The following EYS variants were observed in gnomAD, a reference collection of about 807,000 sequenced individuals.
EYS encodes the protein protein eyes shut homolog.
EYS carries 250 observed loss-of-function variants against 282.1 expected under a neutral mutation model. The observed-to-expected ratio is 0.89, with a 90% CI of 0.80 to 0.98. The LOEUF (loss-of-function observed/expected upper bound fraction) is 0.98, where lower values mean the gene tolerates loss of function less well. Among genes scored for constraint, EYS ranks in the 50% least tolerant of loss-of-function variants. EYS has a pLI of 0.00. For missense variants in EYS, 4,016 were observed against 3,709.0 expected, an observed-to-expected ratio of 1.08 and a Z score of -2.15; for synonymous variants, 1,355 against 1,282.9, an observed-to-expected ratio of 1.06 and a Z score of -1.20.
intron 4 of EYS, among the ~76,000 whole-genome samples, chr6:65,493,283 G>T (rs1766116447): frequency 6.6e-6 from 1 of 152,122 alleles, no homozygotes; most frequent in Non-Finnish European, 1.5e-5. Context: ...AGGCACAGGG[G>T]AGAAGGAATC....
chr6:65,053,126 A>G (rs936676010), intron 13 of EYS, among the ~76,000 whole-genome samples: 1 of 151,770 alleles, frequency 6.6e-6, no homozygotes, highest in African/African-American at 2.4e-5. Flanking sequence ...GTTCCCATAA[A>G]TGGACTATAT....
intron 35 of EYS, among the ~76,000 whole-genome samples, chr6:63,871,545 C>T (rs6917397): frequency 0.48 from 73,429 of 151,798 alleles, 18,782 homozygotes; most frequent in African/African-American, 0.63. Flanking sequence ...GCCTGTAATT[C>T]CAGCTACTCA....
chr6:64,832,672 G>A (rs1277973792), intron 19 of EYS, among the ~76,000 whole-genome samples: 1 of 151,830 alleles, frequency 6.6e-6, no homozygotes. Context: ...TGATGAATAT[G>A]TTTGTTATCT....
At chr6:64,975,916 T>A (rs1312622197) in intron 14 of EYS, among the ~76,000 whole-genome samples, 8 of 151,970 alleles carry the variant, frequency 5.3e-5, no homozygotes, top group Middle Eastern at 3.4e-3. Flanking sequence ...GTGATTTTTT[T>A]AAAAAAAGCT....
At chr6:64,112,701 T>C (rs925361247) in intron 31 of EYS, among the ~76,000 whole-genome samples, 15 of 150,380 alleles carry the variant, frequency 1.0e-4, no homozygotes, top group Admixed American at 8.0e-4. Flanking sequence ...TTATTTTCTA[T>C]GAATTAAAGA....
chr6:64,315,043 A>C (rs2150380678), intron 29 of EYS, among the ~76,000 whole-genome samples: 1 of 152,214 alleles, frequency 6.6e-6, no homozygotes, highest in African/African-American at 2.4e-5. Flanking sequence ...CTGATAAAGA[A>C]GAAAAGAGAG....
chr6:64,635,988 C>T (rs1289188985), intron 22 of EYS, among the ~76,000 whole-genome samples: 1 of 152,084 alleles, frequency 6.6e-6, no homozygotes, highest in Non-Finnish European at 1.5e-5. Flanking sequence ...TTGATTATTG[C>T]CACAATTTTG....
intron 22 of EYS, among the ~76,000 whole-genome samples, chr6:64,651,015 T>C (rs903779981): frequency 9.9e-5 from 15 of 152,130 alleles, no homozygotes; most frequent in African/African-American, 3.6e-4. Context: ...ATGATTTACC[T>C]ATATTATGAA....
intron 26 of EYS, among the ~76,000 whole-genome samples, chr6:64,478,100 A>G (rs1023552475): frequency 1.3e-5 from 2 of 152,028 alleles, no homozygotes; most frequent in African/African-American, 4.8e-5. Flanking sequence ...TGTCCTTAAT[A>G]TACTGAGTTT....
intron 41 of EYS, chr6:63,744,569 C>CTTTTTTT (rs780154959): frequency 6.8e-6 from 1 of 146,378 alleles, no homozygotes; most frequent in African/African-American, 2.5e-5. Flanking sequence ...TTCTTTCTTT[C>CTTTTTTT]TTTTTTTTTT....
In EYS at chr6:64,236,685, G is replaced by A. The variant is rs560935614; in HGVS notation, c.6192-5861C>T. Among the ~76,000 whole-genome samples, 26 of 148,016 alleles carry A rather than the reference G, an allele frequency of 1.8e-4. No homozygotes were observed. In the South Asian group the frequency reaches 2.4e-3, roughly 14 times the overall value. On this transcript the variant is annotated intron_variant, in intron 30 of 42. Coordinates refer to ENST00000503581, the MANE Select transcript of EYS (RefSeq NM_001142800.2). ...TTGAACTGAAACCTGTATGCTTTTC[G>A]TTACAAATAATTTCATATGTATTCT...
At chr6:64,154,513 C>T (rs1431562868) in intron 31 of EYS, among the ~76,000 whole-genome samples, 1 of 144,432 alleles carries the variant, frequency 6.9e-6, no homozygotes, top group Non-Finnish European at 1.5e-5. Context: ...ATTTTATATA[C>T]ATTTTAAAGT....
chr6:64,001,664 C>A (rs1051466615), intron 33 of EYS, among the ~76,000 whole-genome samples: 6 of 152,016 alleles, frequency 3.9e-5, no homozygotes, highest in Admixed American at 3.9e-4. Flanking sequence ...TTAATTAAAT[C>A]AAGTAATTTA....
chr6:65,047,959 G>A (rs1461750116), intron 13 of EYS, among the ~76,000 whole-genome samples: 1 of 151,794 alleles, frequency 6.6e-6, no homozygotes, highest in African/African-American at 2.4e-5. Flanking sequence ...AGAGGGAAAT[G>A]AGGTGATAAA....
intron 26 of EYS, among the ~76,000 whole-genome samples, chr6:64,475,410 G>C (rs1213941721): frequency 8.2e-6 from 1 of 121,708 alleles, no homozygotes; most frequent in African/African-American, 2.9e-5. Context: ...AATTAGCCGG[G>C]CGTAGTGGCG....
intron 8 of EYS, among the ~76,000 whole-genome samples, chr6:65,382,811 C>A (rs1382011310): frequency 6.6e-6 from 1 of 151,936 alleles, no homozygotes; most frequent in African/African-American, 2.4e-5. Flanking sequence ...GCTGTGCTGG[C>A]AGATGATTAG....
At chr6:64,753,904 T>C (rs1283827524) in intron 22 of EYS, among the ~76,000 whole-genome samples, 1 of 152,046 alleles carries the variant, frequency 6.6e-6, no homozygotes, top group Admixed American at 6.6e-5. Flanking sequence ...ACATCAAATA[T>C]ATTTTTAACC....
At chr6:64,538,764 CA>C (rs1006132672) in intron 26 of EYS, among the ~76,000 whole-genome samples, 2 of 152,056 alleles carry the variant, frequency 1.3e-5, no homozygotes, top group African/African-American at 4.8e-5. Flanking sequence ...TAATTATGAC[CA>C]CATTACAGAT....
intron 19 of EYS, among the ~76,000 whole-genome samples, chr6:64,883,427 A>G (rs1433586978): frequency 6.6e-6 from 1 of 151,326 alleles, no homozygotes; most frequent in East Asian, 1.9e-4. Flanking sequence ...AAAAATATTT[A>G]TACTTTTCTA....
Sources: allele counts gnomAD v4.1 joint callset (sites outside exome capture counted in the v4.1 genomes callset), GRCh38; gene constraint gnomAD v4.1.1; transcripts MANE v1.5; gene names NCBI Gene and HGNC (gene_info 2026-07-23, HGNC 2026-07-21).